AKAP6: variants seen among roughly 807,000 people sequenced by gnomAD.
AKAP6 encodes A-kinase anchoring protein 6, also known as A-kinase anchor protein 6.
Under a neutral mutation model 188.5 loss-of-function variants are expected in AKAP6, and 58 were observed. The observed-to-expected ratio is 0.31, with a 90% CI of 0.25 to 0.38. The LOEUF is 0.38. Among genes scored for constraint, AKAP6 ranks in the 10% least tolerant of loss-of-function variants. The pLI is 1.00. For synonymous variants in AKAP6, 989 were observed against 998.6 expected (o/e 0.99, Z 0.18); for missense variants, 2,710 against 2,740.0 (o/e 0.99, Z 0.24).
At chr14:32,478,167 G>A (rs57157459) in intron 2 of AKAP6, among the ~76,000 whole-genome samples, 1 of 152,174 alleles carries the variant, frequency 6.6e-6, no homozygotes, top group Non-Finnish European at 1.5e-5. Flanking sequence ...CTTGTATGGA[G>A]TTTTGGGTGC....
chr14:32,635,885 C>A (rs1887464789), intron 7 of AKAP6, among the ~76,000 whole-genome samples: 1 of 151,894 alleles, frequency 6.6e-6, no homozygotes, highest in African/African-American at 2.4e-5. Flanking sequence ...TATTATAAAG[C>A]CATGTTTATT....
rs541217334 is a variant in AKAP6 at position 32,383,637 on chromosome 14, A to G, written c.-34-49823A>G. Reference sequence around the variant, plus strand: ...GTAATTCTGCATATCAATTTACTCAATAAGCCCAGGCCTGCTCTGGGAGCT... The same window carrying G: ...GTAATTCTGCATATCAATTTACTCAGTAAGCCCAGGCCTGCTCTGGGAGCT... On this transcript the variant is annotated intron_variant, in intron 1 of 13. Coordinates refer to ENST00000280979, the MANE Select transcript of AKAP6 (RefSeq NM_004274.5). 2.6e-5 allele frequency among the ~76,000 whole-genome samples: 4 copies of G among 152,324 alleles called. No individual in the cohort carries two copies. The South Asian group carries it at 8.3e-4, about 32-fold the overall frequency.
At chr14:32,462,916 A>AAAAAAAAAC (rs1891389347) in intron 2 of AKAP6, among the ~76,000 whole-genome samples, 1 of 93,778 alleles carries the variant, frequency 1.1e-5, no homozygotes, top group African/African-American at 7.0e-5. Flanking sequence ...AAAAAAAAAA[A>AAAAAAAAAC]AAAAAAAAAA....
At chr14:32,409,205 C>A (rs4981963) in intron 1 of AKAP6, among the ~76,000 whole-genome samples, 144,974 of 152,212 alleles carry the variant, frequency 0.95, 69,348 homozygotes, top group East Asian at 1. Flanking sequence ...GTCTCAAAAA[C>A]CAAAACAAAA....
intron 11 of AKAP6, among the ~76,000 whole-genome samples, chr14:32,739,807 C>T (rs2031595295): frequency 6.6e-6 from 1 of 152,092 alleles, no homozygotes; most frequent in African/African-American, 2.4e-5. Context: ...CAAATCTTGG[C>T]TATTGTGAAT....
At chr14:32,793,245 C>T (rs2033663083) in intron 12 of AKAP6, among the ~76,000 whole-genome samples, 1 of 151,980 alleles carries the variant, frequency 6.6e-6, no homozygotes, top group Non-Finnish European at 1.5e-5. Flanking sequence ...GGATAAAGAG[C>T]CAAGACCCAT....
chr14:32,571,838 C>T (rs1418596471), intron 4 of AKAP6, among the ~76,000 whole-genome samples: 1 of 152,140 alleles, frequency 6.6e-6, no homozygotes, highest in Non-Finnish European at 1.5e-5. Flanking sequence ...TAATTGAGCA[C>T]TGGTAGAATG....
intron 2 of AKAP6, among the ~76,000 whole-genome samples, chr14:32,437,700 G>A (rs1271768683): frequency 6.6e-6 from 1 of 152,012 alleles, no homozygotes. Context: ...AGGCTCAAGA[G>A]ATGCTCCTGC....
intron 7 of AKAP6, among the ~76,000 whole-genome samples, chr14:32,619,402 A>G (rs1030315050): frequency 1.3e-5 from 2 of 152,112 alleles, no homozygotes; most frequent in Non-Finnish European, 2.9e-5. Flanking sequence ...TACTTTGGCT[A>G]TCCAGTTTTC....
intron 2 of AKAP6, among the ~76,000 whole-genome samples, chr14:32,470,199 T>C (rs1339699959): frequency 1.3e-5 from 2 of 152,170 alleles, no homozygotes; most frequent in Non-Finnish European, 2.9e-5. Context: ...GTCTGTGGAC[T>C]GGACGCTTGG....
intron 8 of AKAP6, among the ~76,000 whole-genome samples, chr14:32,694,293 G>A (rs1178631126): frequency 1.1e-4 from 16 of 151,706 alleles, no homozygotes; most frequent in Non-Finnish European, 5.9e-5. Context: ...CCCGGGAGGC[G>A]GAGCTTGCAG....
At chr14:32,427,540 A>G (rs573787922) in intron 1 of AKAP6, among the ~76,000 whole-genome samples, 86 of 152,342 alleles carry the variant, frequency 5.6e-4, no homozygotes, top group Non-Finnish European at 8.4e-4. Context: ...GTGACGAACT[A>G]GATCCTCATT....
intron 12 of AKAP6, among the ~76,000 whole-genome samples, chr14:32,795,270 C>T (rs1244185634): frequency 6.6e-6 from 1 of 152,194 alleles, no homozygotes; most frequent in East Asian, 1.9e-4. Flanking sequence ...AGGGACTTCT[C>T]CCTAACTCAT....
intron 7 of AKAP6, 81 bp from the exon 8 acceptor site, chr14:32,678,230 C>A: frequency 7.0e-7 from 1 of 1,425,982 alleles, no homozygotes. Context: ...GAAGAATTCC[C>A]ATTCTTTGAG....
intron 4 of AKAP6, among the ~76,000 whole-genome samples, chr14:32,575,669 A>C (rs1453085911): frequency 6.6e-6 from 1 of 152,142 alleles, no homozygotes; most frequent in East Asian, 1.9e-4. Flanking sequence ...GCATTTGTGA[A>C]ATCTGGTTGT....
chr14:32,718,284 T>C (rs1431147840), intron 9 of AKAP6: 28 of 985,352 alleles, frequency 2.8e-5, no homozygotes, highest in Non-Finnish European at 3.3e-5. Context: ...TCCATTGAAA[T>C]GACAGTCAAG....
At chr14:32,623,155 A>G (rs1049664771) in intron 7 of AKAP6, among the ~76,000 whole-genome samples, 2 of 152,032 alleles carry the variant, frequency 1.3e-5, no homozygotes, top group African/African-American at 4.8e-5. Flanking sequence ...CCAGCATTAA[A>G]CCCTAAGGTG....
At chr14:32,475,570 G>A (rs977405545) in intron 2 of AKAP6, among the ~76,000 whole-genome samples, 6 of 152,072 alleles carry the variant, frequency 3.9e-5, no homozygotes, top group Non-Finnish European at 7.4e-5. Context: ...GGAAGATCGA[G>A]CAAAACCAGC....
intron 7 of AKAP6, 137 bp downstream of exon 7, chr14:32,600,929 A>T: frequency 1.5e-6 from 1 of 689,250 alleles, no homozygotes; most frequent in Admixed American, 4.2e-5. Context: ...ATATATATAT[A>T]AACAAAATGA....
Sources: allele counts gnomAD v4.1 joint callset (sites outside exome capture counted in the v4.1 genomes callset), GRCh38; gene constraint gnomAD v4.1.1; transcripts MANE v1.5; gene names NCBI Gene and HGNC (gene_info 2026-07-23, HGNC 2026-07-21).